RP1: variants seen among roughly 807,000 people sequenced by gnomAD.
The protein encoded by RP1 is RP1 axonemal microtubule associated.
Under a neutral mutation model 14.8 loss-of-function variants are expected in RP1, and 16 were observed. The ratio of observed to expected loss-of-function variants is 1.08; its 90% CI spans 0.73 to 1.65. The LOEUF is 1.65. Ranked by LOEUF, RP1 falls within the 40% of genes most tolerant of loss-of-function variation. The probability of loss-of-function intolerance (pLI) is 0.00; values close to 1 mark genes in which losing one functional copy is unlikely to be tolerated. For synonymous variants in RP1, 876 were observed against 883.6 expected (o/e 0.99, Z 0.15); for missense variants, 2,631 against 2,535.0 (o/e 1.04, Z -0.81).
exon 15 of RP1, chr8:54,706,645 G>A (rs1463616024): frequency 6.5e-7 from 1 of 1,536,050 alleles, no homozygotes; most frequent in South Asian, 1.2e-5. Context: ...GATGGCCGAT[G>A]CGATGGAACA....
At chr8:54,646,345 G>A (rs2129324351) in intron 3 of RP1, among the ~76,000 whole-genome samples, 1 of 147,860 alleles carries the variant, frequency 6.8e-6, no homozygotes, top group South Asian at 2.2e-4. Context: ...TATTCATTAT[G>A]TTAGTTTTTC....
At chr8:54,795,563 C>A (rs1448980134) in intron 24 of RP1, among the ~76,000 whole-genome samples, 1 of 151,998 alleles carries the variant, frequency 6.6e-6, no homozygotes, top group Non-Finnish European at 1.5e-5. Flanking sequence ...CCTTAAGAAG[C>A]CAAAAACCTT....
At chr8:54,795,280 T>A (rs568483353) in intron 24 of RP1, among the ~76,000 whole-genome samples, 14 of 152,216 alleles carry the variant, frequency 9.2e-5, no homozygotes, top group South Asian at 8.3e-4. Context: ...TCTGCACCCA[T>A]GTGGTCATTG....
At chr8:54,602,072 A>C (rs6473948) in intron 1 of RP1, among the ~76,000 whole-genome samples, 52,220 of 152,004 alleles carry the variant, frequency 0.34, 9,527 homozygotes, top group Middle Eastern at 0.49. Flanking sequence ...TTTTAGGGTA[A>C]ATGTGCACAA....
At position 54,628,381 on chromosome 8, in the gene RP1, C is replaced by T; in HGVS notation, c.4499C>T (p.Ala1500Val). The change falls in exon 4 of 4, where the codon GCT becomes GTT. Residue 1500 changes from alanine (A) to valine (V), a missense_variant. By Grantham distance (64) the Ala-to-Val change is moderately conservative. Transcript: ENST00000220676. ...GAATTAATCCAAGAAGAGGTAGAGG[C>T]TAGTAAAACTTTAGAATTGATAGAC... ...TEELIQEEVE[A>V]SKTLELIDIS... 6.2e-7 allele frequency: 1 copy of T among 1,613,386 alleles called. No individual in the cohort carries two copies. Among genetic ancestry groups the T allele is most frequent in the Non-Finnish European group, 8.5e-7 (1 of 1,179,662 alleles).
At chr8:54,846,485 T>C (rs189283041) in intron 25 of RP1, among the ~76,000 whole-genome samples, 1 of 152,340 alleles carries the variant, frequency 6.6e-6, no homozygotes, top group African/African-American at 2.4e-5. Flanking sequence ...CAAGACTGTA[T>C]GCATTTGGTA....
intron 3 of RP1, among the ~76,000 whole-genome samples, chr8:54,646,301 C>T (rs937538957): frequency 1.3e-5 from 2 of 151,854 alleles, no homozygotes; most frequent in African/African-American, 4.8e-5. Context: ...TCTCCTCCCC[C>T]TCCCCCTCTT....
exon 12 of RP1, chr8:54,679,885 C>T: frequency 6.5e-7 from 1 of 1,536,040 alleles, no homozygotes; most frequent in Non-Finnish European, 8.7e-7. Flanking sequence ...TGTCCGTTTG[C>T]ATCCAGATGG....
At chr8:54,675,138 T>C (rs950296028) in intron 8 of RP1, among the ~76,000 whole-genome samples, 1 of 152,138 alleles carries the variant, frequency 6.6e-6, no homozygotes, top group African/African-American at 2.4e-5. Context: ...ACACTTGAAA[T>C]AAATGACCCA....
intron 25 of RP1, among the ~76,000 whole-genome samples, chr8:54,838,002 C>G (rs1811703380): frequency 6.6e-6 from 1 of 152,150 alleles, no homozygotes; most frequent in South Asian, 2.1e-4. Flanking sequence ...CATTCTAGCT[C>G]CTGGACTGTA....
At chr8:54,858,919 A>G (rs560452206) in intron 27 of RP1, among the ~76,000 whole-genome samples, 19 of 152,100 alleles carry the variant, frequency 1.2e-4, no homozygotes, top group Admixed American at 2.0e-4. Context: ...GAGTGGCTTC[A>G]CTGCAGAGTG....
rs148087136 is a variant in RP1 at position 54,846,461 on chromosome 8, T to C, written c.3836-6113T>C. 3.6e-4 allele frequency among the ~76,000 whole-genome samples: 55 copies of C among 152,332 alleles called. 3 individuals are homozygous for C. The East Asian group carries it at 9.9e-3, about 27-fold the overall frequency. On this transcript the variant is annotated intron_variant, in intron 25 of 28. Coordinates refer to the RP1 transcript ENST00000637698. Reference sequence around the variant, plus strand: ...TGATGGAAATATTCCCTATCTTGATTGTGGTAGTAGTTCCAAGACTGTATG... The same window carrying C: ...TGATGGAAATATTCCCTATCTTGATCGTGGTAGTAGTTCCAAGACTGTATG...
chr8:54,604,440 C>T (rs1196619093), intron 1 of RP1, among the ~76,000 whole-genome samples: 2 of 152,140 alleles, frequency 1.3e-5, no homozygotes, highest in Non-Finnish European at 2.9e-5. Flanking sequence ...TTCATTTTGC[C>T]AGTATTTTAC....
chr8:54,569,336 T>C (rs542811752), intron 1 of RP1, among the ~76,000 whole-genome samples: 1 of 152,264 alleles, frequency 6.6e-6, no homozygotes, highest in Non-Finnish European at 1.5e-5. Context: ...AAAGTACACA[T>C]GGCTATATTA....
At chr8:54,699,176 T>G (rs1807951065) in intron 12 of RP1, among the ~76,000 whole-genome samples, 1 of 151,396 alleles carries the variant, frequency 6.6e-6, no homozygotes, top group Non-Finnish European at 1.5e-5. Context: ...TGTATATACG[T>G]ACATACTCAA....
chr8:54,824,730 TTATCC>T (rs1363557465), intron 24 of RP1, among the ~76,000 whole-genome samples: 1 of 152,212 alleles, frequency 6.6e-6, no homozygotes, highest in African/African-American at 2.4e-5. Flanking sequence ...CAAGTAAGAT[TTATCC>T]AGGCATACAA....
At chr8:54,776,280 C>A (rs1010420378) in intron 23 of RP1, among the ~76,000 whole-genome samples, 2 of 152,156 alleles carry the variant, frequency 1.3e-5, no homozygotes, top group African/African-American at 4.8e-5. Flanking sequence ...TAGCTCACTG[C>A]AGCCTTGACC....
At chr8:54,641,780 G>A (rs1228112652) in intron 3 of RP1, among the ~76,000 whole-genome samples, 1 of 152,152 alleles carries the variant, frequency 6.6e-6, no homozygotes, top group Non-Finnish European at 1.5e-5. Context: ...CGTACTATGT[G>A]CTTAACACAT....
intron 15 of RP1, among the ~76,000 whole-genome samples, chr8:54,711,818 A>C (rs1023077609): frequency 6.6e-6 from 1 of 152,058 alleles, no homozygotes; most frequent in Non-Finnish European, 1.5e-5. Context: ...CCCGGCTGAG[A>C]CCCATAACAA....
Sources: gnomAD v4.1 joint callset for allele counts (sites outside exome capture counted in the v4.1 genomes callset) on GRCh38, gnomAD v4.1.1 for gene constraint, MANE v1.5 for transcripts, NCBI Gene and HGNC (gene_info 2026-07-23, HGNC 2026-07-21) for gene names.